Variants in PCDHA1 observed in about 807,000 individuals in gnomAD.
The protein encoded by PCDHA1 is protocadherin alpha-1.
PCDHA1 carries 42 observed loss-of-function variants against 61.3 expected under a neutral mutation model. The observed-to-expected ratio is 0.69, with a 90% CI of 0.54 to 0.89. The LOEUF is 0.89. PCDHA1 is among the 40% of genes least tolerant of loss of function. The pLI is 0.00. For synonymous variants in PCDHA1, 610 were observed against 553.8 expected, an observed-to-expected ratio of 1.10 and a Z score of -1.43; for missense variants, 1,256 against 1,235.3, an observed-to-expected ratio of 1.02 and a Z score of -0.25.
At chr5:140,917,357 C>G (rs2078163128) in intron 1 of PCDHA1, among the ~76,000 whole-genome samples, 1 of 146,268 alleles carries the variant, frequency 6.8e-6, no homozygotes, top group African/African-American at 2.5e-5. Context: ...GGCTTCTGTT[C>G]CACTATCTTG....
At chr5:140,833,718 T>G (rs1772594795) in intron 1 of PCDHA1, among the ~76,000 whole-genome samples, 1 of 151,380 alleles carries the variant, frequency 6.6e-6, no homozygotes, top group Non-Finnish European at 1.5e-5. Flanking sequence ...AGTGTCTGGA[T>G]AGTTGCTAAT....
intron 1 of PCDHA1, chr5:140,856,200 T>C (rs1463727286): frequency 6.3e-7 from 1 of 1,597,908 alleles, no homozygotes; most frequent in Non-Finnish European, 8.6e-7. Flanking sequence ...GCGCAGGACC[T>C]GGGGCTGGAG....
At chr5:140,940,705 C>T (rs2092669255) in intron 1 of PCDHA1, among the ~76,000 whole-genome samples, 1 of 152,170 alleles carries the variant, frequency 6.6e-6, no homozygotes, top group Non-Finnish European at 1.5e-5. Context: ...AAGTGTATAC[C>T]TGCTGTGTGC....
chr5:140,800,263 T>C (rs1301030062), intron 1 of PCDHA1, among the ~76,000 whole-genome samples: 1 of 152,170 alleles, frequency 6.6e-6, no homozygotes, highest in Non-Finnish European at 1.5e-5. Context: ...GAAACAAATT[T>C]CCTGTTTGAA....
At chr5:140,924,765 C>T (rs574213548) in intron 1 of PCDHA1, among the ~76,000 whole-genome samples, 2 of 151,640 alleles carry the variant, frequency 1.3e-5, no homozygotes, top group Non-Finnish European at 2.9e-5. Context: ...CATGGTGGTG[C>T]GCGCTTGTAG....
intron 3 of PCDHA1, among the ~76,000 whole-genome samples, chr5:140,985,795 A>G (rs2097171299): frequency 7.3e-6 from 1 of 136,386 alleles, no homozygotes; most frequent in African/African-American, 2.8e-5. Context: ...GCTGGAGTGC[A>G]GTGGCACGAT....
intron 1 of PCDHA1, chr5:140,808,331 A>C (rs782169287): frequency 6.2e-6 from 10 of 1,614,132 alleles, no homozygotes; most frequent in African/African-American, 4.0e-5. Context: ...CATGGGTGTC[A>C]ATGGGCTGGT....
chr5:140,860,904 A>ATT (rs369143047), intron 1 of PCDHA1: 1 of 152,182 alleles, frequency 6.6e-6, no homozygotes, highest in African/African-American at 2.4e-5. Context: ...CGCCAGGCTA[A>ATT]TTTTTTGTAT....
intron 1 of PCDHA1, chr5:140,836,371 C>T: frequency 6.2e-7 from 1 of 1,613,708 alleles, no homozygotes. Context: ...ACAGCCACAG[C>T]CACCGTGCTG....
chr5:140,842,835 C>T (rs146745311), intron 1 of PCDHA1: 10 of 1,593,736 alleles, frequency 6.3e-6, no homozygotes, highest in African/African-American at 1.3e-5. Flanking sequence ...CGCTCGCTGT[C>T]GAGCTACATT....
At chr5:140,816,435 C>T (rs2126671679) in intron 1 of PCDHA1, 10 of 151,984 alleles carry the variant, frequency 6.6e-5, no homozygotes, top group African/African-American at 1.2e-4. Flanking sequence ...ATCTTTATGA[C>T]AATTATTTTG....
intron 1 of PCDHA1, among the ~76,000 whole-genome samples, chr5:140,880,418 G>T (rs1554171267): frequency 6.6e-6 from 1 of 152,090 alleles, no homozygotes; most frequent in Non-Finnish European, 1.5e-5. Flanking sequence ...CTTAAAAGCG[G>T]GAACAGTTTT....
intron 1 of PCDHA1, among the ~76,000 whole-genome samples, chr5:140,972,039 C>A (rs1274808907): frequency 2.6e-5 from 4 of 152,150 alleles, no homozygotes; most frequent in African/African-American, 9.7e-5. Context: ...TTTAAGCTAT[C>A]ACTAATTCAC....
intron 1 of PCDHA1, among the ~76,000 whole-genome samples, chr5:140,799,328 G>T (rs1392687463): frequency 1.3e-5 from 2 of 152,120 alleles, no homozygotes; most frequent in African/African-American, 4.8e-5. Flanking sequence ...GTACTGAAAA[G>T]TGCAGTATTA....
At chr5:140,844,829 G>A (rs1252495421) in intron 1 of PCDHA1, among the ~76,000 whole-genome samples, 1 of 148,848 alleles carries the variant, frequency 6.7e-6, no homozygotes, top group East Asian at 1.9e-4. Flanking sequence ...CTTTTTACAC[G>A]TTTGCTTCTT....
At chr5:140,925,508 A>C (rs1244251216) in intron 1 of PCDHA1, among the ~76,000 whole-genome samples, 1 of 152,138 alleles carries the variant, frequency 6.6e-6, no homozygotes, top group African/African-American at 2.4e-5. Flanking sequence ...ATATCCACGC[A>C]AAAGACCAAA....
intron 1 of PCDHA1, chr5:140,806,949 TGG>T: frequency 1.7e-6 from 1 of 585,050 alleles, no homozygotes. Context: ...GTAGAGTGTG[TGG>T]GGGTTTCCAC....
chr5:140,832,402 T>C (rs1771970001), intron 1 of PCDHA1, among the ~76,000 whole-genome samples: 1 of 152,248 alleles, frequency 6.6e-6, no homozygotes. Context: ...GTAGTGGTAT[T>C]TTCTGTTTTC....
intron 1 of PCDHA1, chr5:140,805,315 C>T: frequency 7.9e-7 from 1 of 1,272,834 alleles, no homozygotes; most frequent in Non-Finnish European, 9.9e-7. Context: ...CTCCTTTTTT[C>T]CAATGTGCTT....
Sources: gnomAD v4.1 joint callset for allele counts (sites outside exome capture counted in the v4.1 genomes callset) on GRCh38, gnomAD v4.1.1 for gene constraint, MANE v1.5 for transcripts, NCBI Gene and HGNC (gene_info 2026-07-23, HGNC 2026-07-21) for gene names.